Variants in C19orf47 observed in about 807,000 individuals in gnomAD.
The protein encoded by C19orf47 is chromosome 19 open reading frame 47.
Under a neutral mutation model 32.3 loss-of-function variants are expected in C19orf47, and 18 were observed. That is an observed-to-expected ratio of 0.56 (90% CI 0.39 to 0.83). The LOEUF (loss-of-function observed/expected upper bound fraction) is 0.83, where lower values mean the gene tolerates loss of function less well. C19orf47 is among the 40% of genes least tolerant of loss of function. C19orf47 has a pLI of 0.00. For missense variants in C19orf47, 484 were observed against 531.6 expected (o/e 0.91, Z 0.88); for synonymous variants, 202 against 211.1 (o/e 0.96, Z 0.37).
chr19:40,294,582 C>G, the C19orf47 span, among the ~76,000 whole-genome samples: 1 of 152,164 alleles, frequency 6.6e-6, no homozygotes, highest in African/African-American at 2.4e-5. Context: ...GGTGAGTTCA[C>G]AGTTCTCTGC....
rs778635840 is a variant in C19orf47, at chr19:40,326,338, T to G, written c.588A>C (p.Ala196=). 6.2e-7 allele frequency: 1 copy of G among 1,614,192 alleles called. No individual in the cohort carries two copies. Among genetic ancestry groups the G allele is most frequent in the Non-Finnish European group, 8.5e-7 (1 of 1,180,036 alleles). The part of the protein sequence containing the change: ...TRKILEQQQA[A]KGLHRTSVFD... Reference sequence around the variant, plus strand: ...ATGCCCCTGATGGGCCAGTACCTTTTGCAGCCTGCTGCTGCTCCAGGATCT... The same window carrying G: ...ATGCCCCTGATGGGCCAGTACCTTTGGCAGCCTGCTGCTGCTCCAGGATCT... Residue 196 remains alanine, a synonymous_variant, in exon 7 of 9, where the codon GCA becomes GCC. Coordinates refer to ENST00000683109, the MANE Select transcript of C19orf47 (RefSeq NM_001256441.2).
In C19orf47 at chr19:40,321,708, C is replaced by T; in HGVS notation, c.*174G>A. On this transcript the variant is annotated 3_prime_UTR_variant, in exon 9 of 9. Transcript: ENST00000683109. The stretch of plus-strand genomic sequence containing the variant: ...AGGCCAGGCCAGCTGCGACGACCAT[C>T]CCAGGCTAGGAGAAATGGGGTGATC... 7.0e-7 allele frequency: 1 copy of T among 1,423,864 alleles called. No individual in the cohort carries two copies. Among genetic ancestry groups the T allele is most frequent in the Non-Finnish European group, 9.1e-7 (1 of 1,094,716 alleles). 88.2% of individuals were successfully genotyped at this position (1,423,864 alleles called of 1,614,324 possible).
the C19orf47 span, among the ~76,000 whole-genome samples, chr19:40,313,827 G>C: frequency 2.6e-5 from 4 of 151,916 alleles, no homozygotes; most frequent in African/African-American, 9.7e-5. Context: ...CTGGGTGACA[G>C]AGCAAGATCC....
chr19:40,345,003 G>A (rs910248581), intron 1 of C19orf47, among the ~76,000 whole-genome samples: 14 of 152,198 alleles, frequency 9.2e-5, no homozygotes, highest in Non-Finnish European at 1.9e-4. Context: ...AAAGGAAGCA[G>A]CAGGACTTGG....
intron 7 of C19orf47, among the ~76,000 whole-genome samples, chr19:40,325,216 G>A (rs1317758450): frequency 1.3e-5 from 2 of 151,354 alleles, no homozygotes; most frequent in African/African-American, 4.9e-5. Context: ...GTTGCAGTGA[G>A]CCAAGATTGT....
At chr19:40,348,517 C>A, upstream of C19orf47, 1 of 1,482,910 alleles carries the variant, frequency 6.7e-7, no homozygotes, top group Non-Finnish European at 8.9e-7. Context: ...ATAACCATCA[C>A]GTGACCGCCC....
At chr19:40,313,344 A>G in the C19orf47 span, among the ~76,000 whole-genome samples, 1 of 152,074 alleles carries the variant, frequency 6.6e-6, no homozygotes, top group African/African-American at 2.4e-5. Flanking sequence ...TATTTTTTCG[A>G]GACAGGGGCT....
Position 40,321,451 on chromosome 19 carries a change from T to A in C19orf47, c.*431A>T. ...GGGAGGCGCAGAGGAGTGAGGGAGGTCAGTGGGGAGTGGGGGAAGGGAGGC... is the reference window on the plus strand; with the variant it reads ...GGGAGGCGCAGAGGAGTGAGGGAGGACAGTGGGGAGTGGGGGAAGGGAGGC... On this transcript the variant is annotated 3_prime_UTR_variant, in exon 9 of 9. Coordinates refer to ENST00000683109, the MANE Select transcript of C19orf47 (RefSeq NM_001256441.2). 3.1e-6 allele frequency: 3 copies of A among 974,804 alleles called. No individual in the cohort carries two copies. Among genetic ancestry groups the A allele is most frequent in the Non-Finnish European group, 3.7e-6 (3 of 817,852 alleles). 60.4% of individuals were successfully genotyped at this position (974,804 alleles called of 1,614,324 possible).
chr19:40,296,989 G>A, the C19orf47 span, among the ~76,000 whole-genome samples: 1 of 152,120 alleles, frequency 6.6e-6, no homozygotes, highest in Admixed American at 6.6e-5. Flanking sequence ...CATTATCTAT[G>A]TGGTGCATTG....
chr19:40,311,287 G>A, the C19orf47 span, among the ~76,000 whole-genome samples: 1 of 151,942 alleles, frequency 6.6e-6, no homozygotes, highest in Non-Finnish European at 1.5e-5. Context: ...GCTGAGGCAG[G>A]AGAATCGCTT....
chr19:40,334,924 T>C (rs1600197636), intron 4 of C19orf47: 2 of 82,910 alleles, frequency 2.4e-5, no homozygotes, highest in African/African-American at 9.4e-5. Context: ...AAATAAATAA[T>C]AAACAAGTGA....
intron 4 of C19orf47, among the ~76,000 whole-genome samples, chr19:40,335,551 G>A (rs1224504672): frequency 1.3e-5 from 2 of 151,962 alleles, no homozygotes; most frequent in Non-Finnish European, 2.9e-5. Flanking sequence ...TTCGACACCA[G>A]CTTGGGCAAC....
chr19:40,307,631 C>G, the C19orf47 span, among the ~76,000 whole-genome samples: 2 of 152,154 alleles, frequency 1.3e-5, no homozygotes, highest in Admixed American at 6.6e-5. Flanking sequence ...CCACCTGCCT[C>G]TGTCTCCCAC....
At chr19:40,333,335 G>A (rs1333436860) in intron 5 of C19orf47, among the ~76,000 whole-genome samples, 1 of 151,272 alleles carries the variant, frequency 6.6e-6, no homozygotes, top group African/African-American at 2.4e-5. Flanking sequence ...CAGTGTTGAA[G>A]TGCTGTCTGG....
At chr19:40,331,696 A>G (rs2077957616) in intron 5 of C19orf47, among the ~76,000 whole-genome samples, 1 of 152,158 alleles carries the variant, frequency 6.6e-6, no homozygotes, top group Admixed American at 6.6e-5. Context: ...CTTAGTTATC[A>G]GCAAAGGGAA....
At chr19:40,293,247 T>C in the C19orf47 span, among the ~76,000 whole-genome samples, 1 of 150,960 alleles carries the variant, frequency 6.6e-6, no homozygotes, top group Non-Finnish European at 1.5e-5. Flanking sequence ...TTCAAGCAAT[T>C]CTCCTGCCTC....
At chr19:40,300,205 G>A in the C19orf47 span, among the ~76,000 whole-genome samples, 4 of 152,004 alleles carry the variant, frequency 2.6e-5, no homozygotes. Context: ...AATGGCTCGT[G>A]CTTGTAATCC....
intron 2 of C19orf47, among the ~76,000 whole-genome samples, chr19:40,337,976 A>G (rs1239373428): frequency 2.0e-5 from 3 of 152,190 alleles, no homozygotes; most frequent in African/African-American, 7.2e-5. Context: ...AGCACCACAT[A>G]ATGATTCCAT....
At chr19:40,330,584 T>C (rs1424438554) in intron 5 of C19orf47, among the ~76,000 whole-genome samples, 1 of 138,980 alleles carries the variant, frequency 7.2e-6, no homozygotes, top group East Asian at 2.2e-4. Context: ...TCCCACTCTG[T>C]TGCCCACGAT....
Sources: gnomAD v4.1 joint callset for allele counts (sites outside exome capture counted in the v4.1 genomes callset) on GRCh38, gnomAD v4.1.1 for gene constraint, MANE v1.5 for transcripts, NCBI Gene and HGNC (gene_info 2026-07-23, HGNC 2026-07-21) for gene names.